Variants in ZNF385D observed in about 807,000 individuals in gnomAD.
ZNF385D encodes the protein zinc finger protein 385D, also known as zinc finger protein 659.
In ZNF385D, 15 loss-of-function variants were observed where a neutral mutation model predicts 35.8. The ratio of observed to expected loss-of-function variants is 0.42; its 90% CI spans 0.28 to 0.64. The LOEUF (loss-of-function observed/expected upper bound fraction) is 0.64. Among genes scored for constraint, ZNF385D ranks in the 30% least tolerant of loss-of-function variants. The pLI is 0.23. For missense variants in ZNF385D, 474 were observed against 494.6 expected (o/e 0.96, Z 0.39); for synonymous variants, 212 against 186.8 (o/e 1.13, Z -1.10).
intron 3 of ZNF385D, among the ~76,000 whole-genome samples, chr3:22,165,107 C>T (rs994711485): frequency 1.3e-5 from 2 of 152,102 alleles, no homozygotes; most frequent in Admixed American, 6.6e-5. Flanking sequence ...ATTTTGTAAA[C>T]CCACAGAATG....
rs549092238 is a variant in ZNF385D, at chr3:21,668,101, G to A, written c.23-3073C>T. ...AAATACAGGTGTAGGGATGCTGTGG[G>A]TCTGATTCCCAGAACCCCCTTCGGC... On this transcript the variant is annotated intron_variant, in intron 1 of 7. Transcript: ENST00000281523. Among the ~76,000 whole-genome samples the A allele has an allele frequency of 1.4e-4, 21 of 152,204 alleles. No homozygotes were observed. In the South Asian group the frequency reaches 4.2e-3, roughly 30 times the overall value.
At chr3:22,030,431 T>A (rs1697924802) in intron 3 of ZNF385D, among the ~76,000 whole-genome samples, 1 of 150,400 alleles carries the variant, frequency 6.6e-6, no homozygotes, top group Non-Finnish European at 1.5e-5. Context: ...CAAGTAACTT[T>A]TTTACAAAGT....
intron 3 of ZNF385D, among the ~76,000 whole-genome samples, chr3:21,840,636 G>A (rs143434541): frequency 8.5e-5 from 13 of 152,090 alleles, no homozygotes; most frequent in East Asian, 3.9e-4. Flanking sequence ...GCTGGAAACC[G>A]TTGCTTCGGT....
intron 3 of ZNF385D, among the ~76,000 whole-genome samples, chr3:22,092,208 T>C (rs1034626844): frequency 6.6e-6 from 1 of 152,218 alleles, no homozygotes; most frequent in Admixed American, 6.6e-5. Context: ...CTGGAACCTG[T>C]AAACATTCCT....
intron 2 of ZNF385D, among the ~76,000 whole-genome samples, chr3:22,243,187 A>T (rs1176982297): frequency 6.6e-6 from 1 of 151,022 alleles, no homozygotes; most frequent in Non-Finnish European, 1.5e-5. Flanking sequence ...TAATAAAAAA[A>T]CAAACAGCCC....
At chr3:21,623,796 A>C (rs934488532) in intron 2 of ZNF385D, among the ~76,000 whole-genome samples, 1 of 152,144 alleles carries the variant, frequency 6.6e-6, no homozygotes, top group Non-Finnish European at 1.5e-5. Context: ...ACATGGCCCA[A>C]TGATACTGAT....
At chr3:21,798,830 C>T (rs2072270836) in intron 3 of ZNF385D, among the ~76,000 whole-genome samples, 1 of 152,072 alleles carries the variant, frequency 6.6e-6, no homozygotes, top group Non-Finnish European at 1.5e-5. Context: ...ATAAGATTAA[C>T]AATTTTAAAA....
chr3:22,251,724 G>T (rs1404147126), intron 2 of ZNF385D, among the ~76,000 whole-genome samples: 1 of 151,882 alleles, frequency 6.6e-6, no homozygotes, highest in Non-Finnish European at 1.5e-5. Context: ...CATCTTTGTG[G>T]AGTACCATTG....
chr3:21,510,804 G>T (rs1367506698), intron 4 of ZNF385D, 57 bp downstream of exon 4: 1 of 1,603,444 alleles, frequency 6.2e-7, no homozygotes, highest in Non-Finnish European at 8.5e-7. Flanking sequence ...GCTAGACAAG[G>T]GAGGGAATCC....
intron 1 of ZNF385D, among the ~76,000 whole-genome samples, chr3:21,693,383 C>T (rs2067348269): frequency 7.4e-6 from 1 of 134,700 alleles, no homozygotes; most frequent in African/African-American, 2.5e-5. Flanking sequence ...CTTTGCTTCC[C>T]TCTTGTTAGT....
chr3:22,027,369 T>C (rs887363999), intron 3 of ZNF385D, among the ~76,000 whole-genome samples: 7 of 152,214 alleles, frequency 4.6e-5, no homozygotes, highest in African/African-American at 1.7e-4. Context: ...CAAGCTGCTC[T>C]GCCACTTGGG....
chr3:22,253,178 A>T (rs1254800483), intron 2 of ZNF385D, among the ~76,000 whole-genome samples: 2 of 152,018 alleles, frequency 1.3e-5, no homozygotes, highest in Non-Finnish European at 2.9e-5. Flanking sequence ...ACGAAATCAC[A>T]TTGGAGGGTA....
At chr3:22,245,134 G>T (rs556819932) in intron 2 of ZNF385D, among the ~76,000 whole-genome samples, 1 of 152,254 alleles carries the variant, frequency 6.6e-6, no homozygotes, top group Admixed American at 6.5e-5. Context: ...AGGTTCCAAA[G>T]TTTGGGGATA....
At chr3:22,285,333 C>T (rs1701969980) in intron 2 of ZNF385D, among the ~76,000 whole-genome samples, 1 of 152,052 alleles carries the variant, frequency 6.6e-6, no homozygotes, top group Non-Finnish European at 1.5e-5. Context: ...AAAGATCTGA[C>T]TAGTTTGACT....
At chr3:21,718,650 G>C (rs1045164417) in intron 1 of ZNF385D, among the ~76,000 whole-genome samples, 2 of 152,136 alleles carry the variant, frequency 1.3e-5, no homozygotes, top group African/African-American at 4.8e-5. Flanking sequence ...GGCAAAGCTT[G>C]GACTTGAGCC....
intron 3 of ZNF385D, among the ~76,000 whole-genome samples, chr3:21,883,130 C>T (rs1698363680): frequency 6.6e-6 from 1 of 151,834 alleles, no homozygotes; most frequent in Non-Finnish European, 1.5e-5. Flanking sequence ...AGTTTGTATG[C>T]AGATAAGACT....
In ZNF385D at chr3:21,879,859, A is replaced by G. The variant is rs554807841; in HGVS notation, c.326-214831T>C. Among the ~76,000 whole-genome samples the G allele has an allele frequency of 8.5e-5, 13 of 152,096 alleles. No individual in the cohort carries two copies. The South Asian group carries it at 2.7e-3, about 32-fold the overall frequency. ...CAATGAATAGGAGAAAAGCGTGGAC[A>G]GTCATACTTTTTTAATGGTTTCATC... is the stretch of plus-strand genomic sequence containing the variant. On this transcript the variant is annotated intron_variant, in intron 3 of 5. Coordinates refer to the ZNF385D transcript ENST00000494108.
intron 1 of ZNF385D, among the ~76,000 whole-genome samples, chr3:21,695,436 A>C (rs1366345391): frequency 6.6e-6 from 1 of 152,186 alleles, no homozygotes; most frequent in Non-Finnish European, 1.5e-5. Flanking sequence ...CTGGTGCAGC[A>C]CTTTTTAGTT....
At chr3:22,284,378 G>C (rs909397323) in intron 2 of ZNF385D, among the ~76,000 whole-genome samples, 6 of 151,858 alleles carry the variant, frequency 4.0e-5, no homozygotes, top group Non-Finnish European at 8.8e-5. Flanking sequence ...TTTTAGTAGA[G>C]ATGGAGTTTC....
Sources: gnomAD v4.1 joint callset for allele counts (sites outside exome capture counted in the v4.1 genomes callset) on GRCh38, gnomAD v4.1.1 for gene constraint, MANE v1.5 for transcripts, NCBI Gene and HGNC (gene_info 2026-07-23, HGNC 2026-07-21) for gene names.